PPP1R12B: variants seen among roughly 807,000 people sequenced by gnomAD.
The protein encoded by PPP1R12B is myosin phosphatase target subunit 2.
In PPP1R12B, 76 loss-of-function variants were observed where a neutral mutation model predicts 126.1. The observed-to-expected ratio is 0.60, with a 90% CI of 0.50 to 0.73. The LOEUF (loss-of-function observed/expected upper bound fraction) is 0.73, where lower values mean the gene tolerates loss of function less well. Among genes scored for constraint, PPP1R12B ranks in the 30% least tolerant of loss-of-function variants. PPP1R12B has a pLI of 0.00. For synonymous variants in PPP1R12B, 356 were observed against 434.7 expected (o/e 0.82, Z 2.25); for missense variants, 1,052 against 1,205.1 (o/e 0.87, Z 1.88).
chr1:202,351,938 T>G (rs1656090657), intron 1 of PPP1R12B, among the ~76,000 whole-genome samples: 1 of 152,216 alleles, frequency 6.6e-6, no homozygotes, highest in Non-Finnish European at 1.5e-5. Flanking sequence ...GACCACGAGG[T>G]GCTTGAGTCA....
At chr1:202,540,300 A>G (rs1684988345) in intron 18 of PPP1R12B, 6 of 1,366,620 alleles carry the variant, frequency 4.4e-6, no homozygotes, top group Middle Eastern at 1.8e-4. Flanking sequence ...GAGAATGTGT[A>G]TATATATAAC....
chr1:202,521,150 G>T (rs1204601446), intron 18 of PPP1R12B, among the ~76,000 whole-genome samples: 2 of 152,148 alleles, frequency 1.3e-5, no homozygotes, highest in Admixed American at 6.6e-5. Flanking sequence ...ATACTTTTGG[G>T]CTAAAAATTC....
intron 1 of PPP1R12B, among the ~76,000 whole-genome samples, chr1:202,357,597 G>A (rs1471311245): frequency 6.6e-6 from 1 of 152,064 alleles, no homozygotes. Flanking sequence ...AATATTTTAG[G>A]ATATTAAACC....
intron 18 of PPP1R12B, chr1:202,501,747 A>T (rs1369691763): frequency 8.9e-6 from 5 of 563,968 alleles, no homozygotes; most frequent in Non-Finnish European, 1.1e-5. Context: ...TAGGTGAGCA[A>T]CCTGTACCTT....
intron 1 of PPP1R12B, among the ~76,000 whole-genome samples, chr1:202,377,832 G>GTTGT: frequency 2.1e-5 from 2 of 97,266 alleles, no homozygotes; most frequent in African/African-American, 9.9e-5. Flanking sequence ...AAAGACAGGT[G>GTTGT]TTTTTTTTTT....
At position 202,506,608 on chromosome 1, in the gene PPP1R12B, A is replaced by G. The variant is rs185511730; in HGVS notation, c.2490+9786A>G. Reference sequence around the variant, plus strand: ...GGTTTATCCAGCTACTAAGGATAGTATAGTTAACTTCTTGACCTTTTCTTT... The same window carrying G: ...GGTTTATCCAGCTACTAAGGATAGTGTAGTTAACTTCTTGACCTTTTCTTT... On this transcript the variant is annotated intron_variant, in intron 18 of 23. Transcript: ENST00000608999. Among the ~76,000 whole-genome samples the G allele has an allele frequency of 2.4e-4, 36 of 152,336 alleles. No homozygotes were observed. The East Asian group carries it at 6.4e-3, about 27-fold the overall frequency.
chr1:202,381,434 G>A lies in PPP1R12B; in HGVS notation c.291+32292G>A, dbSNP rs6671202. On this transcript the variant is annotated intron_variant, in intron 1 of 23. Transcript: ENST00000608999. ...TGTGTGTGTGTGTGTGTGTGTGTGT[G>A]TGTATCATCCCTCAACTGCCTCCTC... is the stretch of plus-strand genomic sequence containing the variant. Among the ~76,000 whole-genome samples, 168 of 131,168 alleles carry A rather than the reference G, an allele frequency of 1.3e-3. 25 individuals carry two copies. The highest frequency in any genetic ancestry group is 7.6e-3 in the Middle Eastern group (2 of 262). The allele number at this position is 131,168 out of a possible 152,430, so 86.1% of individuals were successfully genotyped here.
chr1:202,385,918 C>G (rs1663044491), intron 1 of PPP1R12B, among the ~76,000 whole-genome samples: 1 of 151,748 alleles, frequency 6.6e-6, no homozygotes, highest in Non-Finnish European at 1.5e-5. Context: ...GCAAGTGCCT[C>G]AAGAGCTATT....
intron 13 of PPP1R12B, among the ~76,000 whole-genome samples, chr1:202,486,536 T>C (rs776948599): frequency 1.1e-4 from 17 of 152,186 alleles, no homozygotes; most frequent in African/African-American, 3.9e-4. Context: ...CTGGGCACAG[T>C]GGCTCACGCC....
chr1:202,569,151 G>A lies in PPP1R12B; in HGVS notation c.2816G>A (p.Arg939Lys), dbSNP rs1481578985. 1 of 1,613,478 alleles carries A rather than the reference G, an allele frequency of 6.2e-7. No homozygotes were observed. The highest frequency in any genetic ancestry group is 1.7e-5 in the Admixed American group (1 of 60,006). ...AGTCTCATTGTTCCGAAACAGGAGA[G>A]GCGAGCCTTGGAGCGCAAAATGTCA... is the stretch of plus-strand genomic sequence containing the variant. ...SSVLEMEKRE[R>K]RALERKMSEM... The change falls in exon 23 of 24, where the codon AGG becomes AAG. Residue 939 changes from arginine (R) to lysine (K), a missense_variant. By Grantham distance (26) the Arg-to-Lys change is conservative. Transcript: ENST00000608999.
chr1:202,550,354 A>G (rs1474450987), intron 18 of PPP1R12B, among the ~76,000 whole-genome samples: 5 of 152,242 alleles, frequency 3.3e-5, no homozygotes, highest in African/African-American at 1.2e-4. Context: ...TGGAAAGCTT[A>G]CTTCCTAAAT....
At chr1:202,390,803 G>A (rs1278051926) in intron 1 of PPP1R12B, among the ~76,000 whole-genome samples, 1 of 152,048 alleles carries the variant, frequency 6.6e-6, no homozygotes, top group Non-Finnish European at 1.5e-5. Flanking sequence ...TGGCCTAAAA[G>A]CTTAAAATAC....
chr1:202,487,631 CTA>C (rs1678333705), intron 13 of PPP1R12B, among the ~76,000 whole-genome samples: 2 of 150,558 alleles, frequency 1.3e-5, no homozygotes, highest in Admixed American at 1.3e-4. Context: ...TTTTGGAGAC[CTA>C]GTTTCACTCT....
At chr1:202,362,268 A>C (rs1450260282) in intron 1 of PPP1R12B, among the ~76,000 whole-genome samples, 1 of 152,084 alleles carries the variant, frequency 6.6e-6, no homozygotes, top group Admixed American at 6.6e-5. Context: ...CCCATGTTTA[A>C]ATTGTTCCTC....
intron 6 of PPP1R12B, among the ~76,000 whole-genome samples, chr1:202,429,859 G>GT (rs757150861): frequency 8.5e-5 from 13 of 152,152 alleles, no homozygotes; most frequent in Non-Finnish European, 1.3e-4. Context: ...CCTAATCTCT[G>GT]TTGTGTTCAG....
At chr1:202,383,705 C>T (rs1662693583) in intron 1 of PPP1R12B, among the ~76,000 whole-genome samples, 1 of 151,960 alleles carries the variant, frequency 6.6e-6, no homozygotes, top group Admixed American at 6.6e-5. Flanking sequence ...GCCTGGGCAA[C>T]AGAATAAGAC....
In PPP1R12B at chr1:202,488,634, CT is replaced by C. The variant is rs767720456; in HGVS notation, c.1941+18del. On this transcript the variant is annotated intron_variant, in intron 14 of 23. Transcript: ENST00000608999. ...CGAAGGTCTACTCAAGTGAGTGTGGCTTTTTTTAAAATGTCATTTTGTGTAT... is the reference window on the plus strand; with the variant it reads ...CGAAGGTCTACTCAAGTGAGTGTGGCTTTTTTAAAATGTCATTTTGTGTAT... 4.6e-5 allele frequency: 73 copies of C among 1,591,522 alleles called. No homozygotes were observed. Among genetic ancestry groups the C allele is most frequent in the Non-Finnish European group, 6.2e-5 (72 of 1,163,118 alleles).
intron 13 of PPP1R12B, among the ~76,000 whole-genome samples, chr1:202,456,130 G>GT (rs1673598533): frequency 6.6e-6 from 1 of 151,876 alleles, no homozygotes; most frequent in Non-Finnish European, 1.5e-5. Flanking sequence ...TTAGCCAGGA[G>GT]TGGTGATGCA....
intron 18 of PPP1R12B, among the ~76,000 whole-genome samples, chr1:202,507,469 A>G (rs1185096625): frequency 1.3e-5 from 2 of 152,180 alleles, no homozygotes; most frequent in African/African-American, 4.8e-5. Context: ...ATGAAAAGGG[A>G]TTGTTTCAGC....
Sources: gnomAD v4.1 joint callset for allele counts (sites outside exome capture counted in the v4.1 genomes callset) on GRCh38, gnomAD v4.1.1 for gene constraint, MANE v1.5 for transcripts, NCBI Gene and HGNC (gene_info 2026-07-23, HGNC 2026-07-21) for gene names.